Variants in ADGRG7 observed in about 807,000 individuals in gnomAD.
ADGRG7 encodes the protein G-protein coupled receptor 128.
Under a neutral mutation model 88.6 loss-of-function variants are expected in ADGRG7, and 82 were observed. The ratio of observed to expected loss-of-function variants is 0.93; its 90% CI spans 0.77 to 1.11. The LOEUF is 1.11. ADGRG7 is among the 50% of genes most tolerant of loss of function. The pLI is 0.00. For missense variants in ADGRG7, 945 were observed against 953.4 expected (o/e 0.99, Z 0.12); for synonymous variants, 381 against 345.2 (o/e 1.10, Z -1.15).
At chr3:100,628,362 C>T (rs1190784974) in intron 1 of ADGRG7, among the ~76,000 whole-genome samples, 1 of 140,286 alleles carries the variant, frequency 7.1e-6, no homozygotes, top group Non-Finnish European at 1.6e-5. Context: ...AACTCTGCCA[C>T]TTGTTTTTTT....
rs762959765 is a variant in ADGRG7, at chr3:100,643,337, T to C, written c.770T>C (p.Ile257Thr). The stretch of plus-strand genomic sequence containing the variant: ...TCAGTGGTGGAACCTAACATAGCAA[T>C]ACAGTCAGCAAATTTCTCTTCAGAA... ...NQSVVEPNIAIQSANFSSENA... is the reference protein window; with the variant it reads ...NQSVVEPNIATQSANFSSENA... The change falls in exon 7 of 16, where the codon ATA becomes ACA. Residue 257 changes from isoleucine to threonine, a missense_variant. Physicochemically the swap from Ile to Thr is moderately conservative, Grantham distance 89. Coordinates refer to ENST00000273352, the MANE Select transcript of ADGRG7 (RefSeq NM_032787.3). 4 of 1,613,986 alleles carry C rather than the reference T, an allele frequency of 2.5e-6. No individual in the cohort carries two copies. The highest frequency in any genetic ancestry group is 8.5e-7 in the Non-Finnish European group (1 of 1,179,938).
In ADGRG7 at chr3:100,637,236, G is replaced by A. The variant is rs575710773; in HGVS notation, c.598-66G>A. ...ACTTGCTACTACAATGATTCATGAT[G>A]ATAATGATGGTGATGATAATGTATG... On this transcript the variant is annotated intron_variant, in intron 5 of 15. Coordinates refer to ENST00000273352, the MANE Select transcript of ADGRG7 (RefSeq NM_032787.3). 2.6e-5 allele frequency: 27 copies of A among 1,039,374 alleles called. 1 individual carries two copies. In the African/African-American group the frequency reaches 3.8e-4, roughly 15 times the overall value. 64.4% of individuals were successfully genotyped at this position (1,039,374 alleles called of 1,614,324 possible).
intron 1 of ADGRG7, among the ~76,000 whole-genome samples, chr3:100,614,845 T>C (rs938101299): frequency 6.6e-6 from 1 of 152,346 alleles, no homozygotes; most frequent in Middle Eastern, 3.4e-3. Context: ...GTGTTGTATA[T>C]GTTCTGTATT....
At chr3:100,620,835 T>A (rs1367588220) in intron 1 of ADGRG7, among the ~76,000 whole-genome samples, 2 of 150,008 alleles carry the variant, frequency 1.3e-5, no homozygotes, top group Non-Finnish European at 3.0e-5. Flanking sequence ...GGTATTATGT[T>A]TTTTTTTTTT....
chr3:100,638,825 G>T (rs934468313), intron 6 of ADGRG7, among the ~76,000 whole-genome samples: 1 of 152,108 alleles, frequency 6.6e-6, no homozygotes, highest in Admixed American at 6.6e-5. Flanking sequence ...TATTCATAGA[G>T]GCCCCTTGTT....
In ADGRG7 at chr3:100,635,113, C is replaced by T. The variant is rs1707516406; in HGVS notation, c.448-564C>T. On this transcript the variant is annotated intron_variant, in intron 4 of 15. Coordinates refer to ENST00000273352, the MANE Select transcript of ADGRG7 (RefSeq NM_032787.3). ...CATGTTTTAGCCTCACAACACAGAGCCCTGGGGCTAACTGGCACCTAGAGA... is the reference window on the plus strand; with the variant it reads ...CATGTTTTAGCCTCACAACACAGAGTCCTGGGGCTAACTGGCACCTAGAGA... Among the ~76,000 whole-genome samples, 7 of 151,996 alleles carry T rather than the reference C, an allele frequency of 4.6e-5. No homozygotes were observed. The South Asian group carries it at 1.5e-3, about 32-fold the overall frequency.
intron 6 of ADGRG7, among the ~76,000 whole-genome samples, chr3:100,639,029 TGTGTGTGTGTGTG>T (rs1707593891): frequency 5.2e-5 from 2 of 38,654 alleles, no homozygotes; most frequent in Admixed American, 3.1e-4. Flanking sequence ...TGTGTGTGTG[TGTGTGTGTGTGTG>T]TGTGTGTGTG....
At chr3:100,644,824 C>T (rs974600265) in intron 8 of ADGRG7, among the ~76,000 whole-genome samples, 21 of 152,134 alleles carry the variant, frequency 1.4e-4, no homozygotes, top group Non-Finnish European at 2.5e-4. Flanking sequence ...AGCCACTCTG[C>T]CTAGTCTCAT....
intron 15 of ADGRG7, among the ~76,000 whole-genome samples, chr3:100,673,904 C>G (rs186344881): frequency 6.6e-6 from 1 of 152,116 alleles, no homozygotes; most frequent in East Asian, 1.9e-4. Flanking sequence ...TTGTCTTCTG[C>G]TAGCTTTTGA....
intron 2 of ADGRG7, among the ~76,000 whole-genome samples, chr3:100,629,982 T>C (rs1444791988): frequency 6.6e-6 from 1 of 152,154 alleles, no homozygotes; most frequent in Non-Finnish European, 1.5e-5. Flanking sequence ...CAATGACTAA[T>C]CCAGGGCAAT....
chr3:100,614,805 T>C (rs1707201741), intron 1 of ADGRG7, among the ~76,000 whole-genome samples: 1 of 152,198 alleles, frequency 6.6e-6, no homozygotes, highest in African/African-American at 2.4e-5. Context: ...TTTAATATTA[T>C]TTTATGCTAC....
At chr3:100,653,115 A>C (rs1347647144) in intron 11 of ADGRG7, among the ~76,000 whole-genome samples, 18 of 152,242 alleles carry the variant, frequency 1.2e-4, no homozygotes, top group Admixed American at 1.2e-3. Flanking sequence ...GGTTCTGAAA[A>C]GTCTTGCAGA....
chr3:100,655,088 G>A lies in ADGRG7; in HGVS notation c.1633G>A (p.Ala545Thr), dbSNP rs758857012. Residue 545 changes from alanine (A) to threonine (T), a missense_variant, in exon 12 of 16, where the codon GCA (alanine) becomes ACA (threonine). Ala to Thr is a moderately conservative substitution (Grantham distance 58). Coordinates refer to ENST00000273352, the MANE Select transcript of ADGRG7 (RefSeq NM_032787.3). Reference sequence around the variant, plus strand: ...TCTGTTAGTGACATTTACCTGGAACGCACTCAGCGCTGCACAGCTCTATTA... The same window carrying A: ...TCTGTTAGTGACATTTACCTGGAACACACTCAGCGCTGCACAGCTCTATTA... ...YFLLVTFTWNALSAAQLYYLL... is the reference protein window; with the variant it reads ...YFLLVTFTWNTLSAAQLYYLL... 19 of 1,613,972 alleles carry A rather than the reference G, an allele frequency of 1.2e-5. No individual in the cohort carries two copies. The highest frequency in any genetic ancestry group is 4.5e-5 in the East Asian group (2 of 44,896).
At chr3:100,644,323 G>A (rs190018141) in intron 8 of ADGRG7, among the ~76,000 whole-genome samples, 7 of 152,128 alleles carry the variant, frequency 4.6e-5, no homozygotes, top group South Asian at 2.1e-4. Context: ...AGTATTATTC[G>A]TGAATCTGGC....
chr3:100,614,649 T>G (rs1707199766), intron 1 of ADGRG7, among the ~76,000 whole-genome samples: 1 of 152,174 alleles, frequency 6.6e-6, no homozygotes, highest in Admixed American at 6.5e-5. Context: ...CCCAAAAGAC[T>G]AAGCTAGGCA....
intron 15 of ADGRG7, among the ~76,000 whole-genome samples, chr3:100,671,995 C>T (rs1393805632): frequency 1.3e-5 from 2 of 152,158 alleles, no homozygotes; most frequent in Non-Finnish European, 2.9e-5. Flanking sequence ...AGCGTGATGC[C>T]TCCAGCTTTG....
chr3:100,662,822 A>G (rs1576330464), intron 14 of ADGRG7, among the ~76,000 whole-genome samples: 1 of 152,032 alleles, frequency 6.6e-6, no homozygotes. Context: ...AAAACAAAAA[A>G]CAAAAAACTG....
chr3:100,656,054 G>A (rs1389742445), intron 13 of ADGRG7, 59 bp downstream of exon 13: 4 of 982,966 alleles, frequency 4.1e-6, no homozygotes, highest in African/African-American at 1.6e-5. Flanking sequence ...ACTGTTCAGT[G>A]ATATTGACTC....
intron 15 of ADGRG7, among the ~76,000 whole-genome samples, chr3:100,686,081 A>G (rs1385476437): frequency 2.7e-5 from 4 of 150,868 alleles, no homozygotes; most frequent in African/African-American, 9.8e-5. Context: ...CTGGTGTGAG[A>G]TGGTATCTCA....
Sources: gnomAD v4.1 joint callset for allele counts (sites outside exome capture counted in the v4.1 genomes callset) on GRCh38, gnomAD v4.1.1 for gene constraint, MANE v1.5 for transcripts, NCBI Gene and HGNC (gene_info 2026-07-23, HGNC 2026-07-21) for gene names.